TTC28: variants seen among roughly 807,000 people sequenced by gnomAD.
TTC28 encodes the protein tetratricopeptide repeat protein 28.
TTC28 carries 61 observed loss-of-function variants against 198.0 expected under a neutral mutation model. That is an observed-to-expected ratio of 0.31 (90% CI 0.25 to 0.38). The LOEUF is 0.38. Among genes scored for constraint, TTC28 ranks in the 10% least tolerant of loss-of-function variants. The probability of loss-of-function intolerance (pLI) is 1.00; values close to 1 mark genes in which losing one functional copy is unlikely to be tolerated. For synonymous variants in TTC28, 1,171 were observed against 1,297.8 expected (o/e 0.90, Z 2.10); for missense variants, 2,678 against 3,164.0 (o/e 0.85, Z 3.69).
chr22:28,490,877 T>C (rs1187859708), intron 2 of TTC28, among the ~76,000 whole-genome samples: 1 of 152,144 alleles, frequency 6.6e-6, no homozygotes, highest in African/African-American at 2.4e-5. Context: ...AAATAAAAAT[T>C]ACCATTATAT....
intron 2 of TTC28, among the ~76,000 whole-genome samples, chr22:28,414,251 T>C (rs1488252755): frequency 6.6e-6 from 1 of 152,192 alleles, no homozygotes; most frequent in East Asian, 1.9e-4. Flanking sequence ...ACAAACACCC[T>C]GCACAGATGC....
chr22:28,447,640 G>A (rs920133691), intron 2 of TTC28, among the ~76,000 whole-genome samples: 2 of 152,096 alleles, frequency 1.3e-5, no homozygotes, highest in Non-Finnish European at 2.9e-5. Flanking sequence ...CTGAAGTCTC[G>A]GTCTTAGGCT....
chr22:27,985,774 T>C (rs1379658957), intron 21 of TTC28: 28 of 159,866 alleles, frequency 1.8e-4, no homozygotes, highest in African/African-American at 2.4e-5. Flanking sequence ...AGCTGGTGCA[T>C]GGTGAGGTGA....
In TTC28 at chr22:28,297,985, A is replaced by T; in HGVS notation, c.530-133T>A. The T allele has an allele frequency of 1.9e-6, 2 of 1,047,602 alleles. 1 individual carries two copies. The highest frequency in any genetic ancestry group is 3.4e-5 in the South Asian group (2 of 58,998). 64.9% of individuals were successfully genotyped at this position (1,047,602 alleles called of 1,614,324 possible). A position where few individuals can be genotyped will look rare whatever the true frequency, so the allele number is the denominator to read the frequency against. On this transcript the variant is annotated intron_variant, in intron 3 of 22. Coordinates refer to ENST00000397906, the MANE Select transcript of TTC28 (RefSeq NM_001145418.2). The stretch of plus-strand genomic sequence containing the variant: ...GCTTATTTCAAGTATAAACTCTTCA[A>T]CCTTTATTCTAGCACCACTTATCTC...
intron 21 of TTC28, among the ~76,000 whole-genome samples, chr22:27,988,586 C>G (rs1177977655): frequency 1.3e-5 from 2 of 152,116 alleles, no homozygotes; most frequent in Non-Finnish European, 2.9e-5. Context: ...CCGCACCCGG[C>G]AGGAAAGAAG....
At chr22:28,595,838 C>A (rs1372482551) in intron 2 of TTC28, among the ~76,000 whole-genome samples, 1 of 152,102 alleles carries the variant, frequency 6.6e-6, no homozygotes, top group Non-Finnish European at 1.5e-5. Flanking sequence ...GCAGGAGAAT[C>A]GCTTGAACCC....
intron 12 of TTC28, among the ~76,000 whole-genome samples, chr22:28,086,545 C>A (rs1210168403): frequency 6.6e-6 from 1 of 152,072 alleles, no homozygotes. Flanking sequence ...GCACTAAATG[C>A]CCACAAGAGA....
In TTC28 at chr22:28,108,202, T is replaced by C. The variant is rs1467316728; in HGVS notation, c.1643A>G (p.Asn548Ser). 3 of 1,551,604 alleles carry C rather than the reference T, an allele frequency of 1.9e-6. No homozygotes were observed. The highest frequency in any genetic ancestry group is 3.9e-5 in the Admixed American group (2 of 50,998). Residue 548 changes from asparagine (N) to serine (S), a missense_variant, in exon 7 of 23, where the codon AAT (asparagine) becomes AGT (serine). Around this residue, in one of 8 missense-constraint regions of TTC28, gnomAD observed 775 missense variants for 845.9 expected, o/e 0.92. Coordinates refer to ENST00000397906, the MANE Select transcript of TTC28 (RefSeq NM_001145418.2). Reference protein sequence around the residue: ...RQELQISMEVNDRASQASTHG... With the variant: ...RQELQISMEVSDRASQASTHG... Reference sequence around the variant, plus strand: ...TGTGGAGGCCTGTGAGGCGCGGTCATTCACTTCCATGGAGATCTGCAGCTC... The same window carrying C: ...TGTGGAGGCCTGTGAGGCGCGGTCACTCACTTCCATGGAGATCTGCAGCTC...
At chr22:28,157,991 T>G (rs1463977440) in intron 6 of TTC28, among the ~76,000 whole-genome samples, 1 of 152,030 alleles carries the variant, frequency 6.6e-6, no homozygotes, top group African/African-American at 2.4e-5. Context: ...TGTTTGCAGA[T>G]GACATGATAT....
intron 2 of TTC28, among the ~76,000 whole-genome samples, chr22:28,516,390 C>A (rs916646957): frequency 6.6e-6 from 1 of 152,018 alleles, no homozygotes; most frequent in Admixed American, 6.6e-5. Context: ...ATAGGTGCCA[C>A]GCTTTAGGAT....
chr22:28,440,991 C>A (rs2047612458), intron 2 of TTC28, among the ~76,000 whole-genome samples: 2 of 152,142 alleles, frequency 1.3e-5, no homozygotes, highest in Non-Finnish European at 2.9e-5. Context: ...GTATCTGGAT[C>A]TTTACAACAT....
At chr22:28,103,768 G>A (rs1942222258) in intron 8 of TTC28, among the ~76,000 whole-genome samples, 2 of 152,196 alleles carry the variant, frequency 1.3e-5, no homozygotes, top group Non-Finnish European at 2.9e-5. Flanking sequence ...GAATTGTGTT[G>A]CAATGTCTCA....
chr22:28,485,919 A>T (rs1179440873), intron 2 of TTC28, among the ~76,000 whole-genome samples: 3 of 152,122 alleles, frequency 2.0e-5, no homozygotes, highest in African/African-American at 4.8e-5. Flanking sequence ...TATTATTTTT[A>T]AAAATGTAAA....
chr22:28,606,267 C>A (rs2050732946), intron 2 of TTC28, among the ~76,000 whole-genome samples: 1 of 151,444 alleles, frequency 6.6e-6, no homozygotes, highest in African/African-American at 2.4e-5. Flanking sequence ...TCTTTTTTAT[C>A]TTTAGTAGAG....
At chr22:28,271,158 C>A (rs1932043005) in intron 5 of TTC28, among the ~76,000 whole-genome samples, 1 of 151,320 alleles carries the variant, frequency 6.6e-6, no homozygotes, top group Non-Finnish European at 1.5e-5. Context: ...CTATACCACC[C>A]AGGCTGGTCT....
At chr22:28,353,254 T>G (rs1240562971) in intron 2 of TTC28, among the ~76,000 whole-genome samples, 1 of 152,168 alleles carries the variant, frequency 6.6e-6, no homozygotes, top group Non-Finnish European at 1.5e-5. Context: ...TTAAGGATTG[T>G]ATTTTTGGAC....
intron 2 of TTC28, among the ~76,000 whole-genome samples, chr22:28,519,499 C>G (rs73882772): frequency 0.011 from 1,672 of 152,272 alleles, 27 homozygotes; most frequent in African/African-American, 0.038. Context: ...ACCAATATGG[C>G]CAACTGGAGT....
At chr22:28,476,164 A>C (rs1489580736) in intron 2 of TTC28, among the ~76,000 whole-genome samples, 2 of 152,172 alleles carry the variant, frequency 1.3e-5, no homozygotes, top group African/African-American at 2.4e-5. Context: ...CCTGCCTGAG[A>C]AAATATTATT....
intron 5 of TTC28, among the ~76,000 whole-genome samples, chr22:28,170,156 T>A (rs1017106748): frequency 6.6e-6 from 1 of 152,162 alleles, no homozygotes; most frequent in Non-Finnish European, 1.5e-5. Flanking sequence ...TCTCTGTTAA[T>A]ACCTATTAAC....
Sources: gnomAD v4.1 joint callset for allele counts (sites outside exome capture counted in the v4.1 genomes callset) on GRCh38, gnomAD v4.1.1 for gene constraint, gnomAD v4.1.1 regional missense constraint, MANE v1.5 for transcripts, NCBI Gene and HGNC (gene_info 2026-07-23, HGNC 2026-07-21) for gene names.